Variants in OSBPL3 observed in about 807,000 individuals in gnomAD.
The protein encoded by OSBPL3 is oxysterol-binding protein-related protein 3.
In OSBPL3, 65 loss-of-function variants were observed where a neutral mutation model predicts 120.1. The observed-to-expected ratio is 0.54, with a 90% CI of 0.44 to 0.67. The LOEUF is 0.67. Among genes scored for constraint, OSBPL3 ranks in the 30% least tolerant of loss-of-function variants. OSBPL3 has a pLI of 0.00. For missense variants in OSBPL3, 1,004 were observed against 1,082.1 expected (o/e 0.93, Z 1.01); for synonymous variants, 416 against 402.6 (o/e 1.03, Z -0.40).
rs975257726 is a variant in OSBPL3, at chr7:24,979,932, G to A, written c.-196C>T. On this transcript the variant is annotated 5_prime_UTR_variant, in exon 1 of 23. Coordinates refer to ENST00000313367, the MANE Select transcript of OSBPL3 (RefSeq NM_015550.4). ...ACGCTCCCTAGTTCCCCGGGGCCGG[G>A]CTCCGGGGTTAGCGCACAGAACCGG... The A allele has an allele frequency of 3.1e-6, 3 of 973,984 alleles. No individual in the cohort carries two copies. The highest frequency in any genetic ancestry group is 6.8e-5 in the Admixed American group (1 of 14,726). 60.3% of individuals were successfully genotyped at this position (973,984 alleles called of 1,614,324 possible).
rs1027560197 is a variant in OSBPL3, at chr7:24,900,476, G to C, written c.-149-7855C>G. 3.3e-5 allele frequency among the ~76,000 whole-genome samples: 5 copies of C among 152,162 alleles called. No individual in the cohort carries two copies. The highest frequency in any genetic ancestry group is 3.3e-4 in the Admixed American group (5 of 15,282). ...CAGTTTCCAAGAACTTATCAATGAA[G>C]ATACATGAGGACTTAGTGTACATTT... On this transcript the variant is annotated intron_variant, in intron 1 of 22. Coordinates refer to ENST00000313367, the MANE Select transcript of OSBPL3 (RefSeq NM_015550.4). This position sits in a 1 kb window ranked among gnomAD's most constrained non-coding sequence, Gnocchi z 4.5.
chr7:24,901,112 G>C (rs1400091190), intron 1 of OSBPL3, among the ~76,000 whole-genome samples: 6 of 151,576 alleles, frequency 4.0e-5, no homozygotes, highest in Admixed American at 6.6e-5. Flanking sequence ...GGCGGATCAC[G>C]AGGTCAAGAG....
chr7:24,943,442 A>G (rs1262985839), intron 1 of OSBPL3, among the ~76,000 whole-genome samples: 2 of 152,252 alleles, frequency 1.3e-5, no homozygotes, highest in African/African-American at 2.4e-5. Context: ...CAATACAAAA[A>G]GCAGTCAAGC....
chr7:24,914,410 T>C (rs1809267496), intron 1 of OSBPL3, among the ~76,000 whole-genome samples: 1 of 152,100 alleles, frequency 6.6e-6, no homozygotes, highest in African/African-American at 2.4e-5. Flanking sequence ...ACTAAGAAAC[T>C]AAATTTTAAA....
At chr7:24,889,436 A>G (rs1805006259) in intron 2 of OSBPL3, among the ~76,000 whole-genome samples, 1 of 152,184 alleles carries the variant, frequency 6.6e-6, no homozygotes, top group Admixed American at 6.5e-5. Context: ...AGTAGATCTT[A>G]AATGTTCTTA....
At chr7:24,924,681 C>T (rs1028152667) in intron 1 of OSBPL3, among the ~76,000 whole-genome samples, 3 of 152,206 alleles carry the variant, frequency 2.0e-5, no homozygotes, top group Non-Finnish European at 4.4e-5. Flanking sequence ...ACAGCCAATT[C>T]CATTTTTAAG....
intron 1 of OSBPL3, among the ~76,000 whole-genome samples, chr7:24,941,101 G>T (rs1272614847): frequency 6.6e-6 from 1 of 152,194 alleles, no homozygotes; most frequent in Admixed American, 6.5e-5. Context: ...TTACAGGCGT[G>T]AGCCACCGCA....
rs1812899008 is a variant in OSBPL3 at position 24,940,050 on chromosome 7, A to C, written c.-150+39836T>G. Among the ~76,000 whole-genome samples the C allele has an allele frequency of 6.6e-6, 1 of 152,230 alleles. No individual in the cohort carries two copies. Among genetic ancestry groups the C allele is most frequent in the Non-Finnish European group, 1.5e-5 (1 of 68,034 alleles). ...AATAAAGTTGGGAGAATTTCTTCCTATTGACTTCTGTTTCTAGATGAAATG... is the reference window on the plus strand; with the variant it reads ...AATAAAGTTGGGAGAATTTCTTCCTCTTGACTTCTGTTTCTAGATGAAATG... On this transcript the variant is annotated intron_variant, in intron 1 of 22. Transcript: ENST00000313367. This position sits in a 1 kb window ranked among gnomAD's most constrained non-coding sequence, Gnocchi z 4.4.
Position 24,959,868 on chromosome 7 carries a change from C to G in OSBPL3, c.-150+20018G>C, listed in dbSNP as rs1436821757. ...CCTACCACTGAAAACCGAACTTGAA[C>G]AAAAAAGAATTTTCTATTTCCGAAA... is the stretch of plus-strand genomic sequence containing the variant. On this transcript the variant is annotated intron_variant, in intron 1 of 22. Coordinates refer to ENST00000313367, the MANE Select transcript of OSBPL3 (RefSeq NM_015550.4). This position sits in a 1 kb window ranked among gnomAD's most constrained non-coding sequence, Gnocchi z 4.3. 6.6e-6 allele frequency among the ~76,000 whole-genome samples: 1 copy of G among 151,958 alleles called. No homozygotes were observed. The highest frequency in any genetic ancestry group is 1.5e-5 in the Non-Finnish European group (1 of 67,966).
chr7:24,819,986 T>C lies in OSBPL3; in HGVS notation c.1948+189A>G, dbSNP rs1794921592. Among the ~76,000 whole-genome samples, 1 of 152,084 alleles carries C rather than the reference T, an allele frequency of 6.6e-6. No homozygotes were observed. The highest frequency in any genetic ancestry group is 1.5e-5 in the Non-Finnish European group (1 of 68,004). Reference sequence around the variant, plus strand: ...TTTACATAAGATAAAGTTACAGAAATAAATGGAGGTGGCTCAGATAAACTA... The same window carrying C: ...TTTACATAAGATAAAGTTACAGAAACAAATGGAGGTGGCTCAGATAAACTA... On this transcript the variant is annotated intron_variant, in intron 17 of 22. Transcript: ENST00000313367. This position sits in a 1 kb window ranked among gnomAD's most constrained non-coding sequence, Gnocchi z 4.1.
intron 1 of OSBPL3, among the ~76,000 whole-genome samples, chr7:24,903,713 C>T (rs534250055): frequency 6.6e-6 from 1 of 152,218 alleles, no homozygotes; most frequent in South Asian, 2.1e-4. Context: ...ACCTGAATGC[C>T]GAGGGCTTTG....
chr7:24,876,038 T>C lies in OSBPL3; in HGVS notation c.97-3969A>G, dbSNP rs117742434. On this transcript the variant is annotated intron_variant, in intron 2 of 22. Transcript: ENST00000313367. ...TCCTGTTGGTTCCATCTTCAAAATG[T>C]GTATTTTCTACTTCCCTTCCTCTTT... Among the ~76,000 whole-genome samples the C allele has an allele frequency of 8.3e-4, 127 of 152,312 alleles. 1 individual carries two copies. The East Asian group carries it at 0.02, about 24-fold the overall frequency.
rs1816457055 is a variant in OSBPL3 at position 24,966,965 on chromosome 7, C to T, written c.-150+12921G>A. ...CTGGAAAATATATGAAAAACATCCC[C>T]TAAGTGACTAATACATAAGATAAGC... On this transcript the variant is annotated intron_variant, in intron 1 of 22. Coordinates refer to ENST00000313367, the MANE Select transcript of OSBPL3 (RefSeq NM_015550.4). This position sits in a 1 kb window ranked among gnomAD's most constrained non-coding sequence, Gnocchi z 4.8. 6.6e-6 allele frequency among the ~76,000 whole-genome samples: 1 copy of T among 152,192 alleles called. No homozygotes were observed. Among genetic ancestry groups the T allele is most frequent in the African/African-American group, 2.4e-5 (1 of 41,440 alleles).
chr7:24,895,726 C>T (rs187022037), intron 1 of OSBPL3, among the ~76,000 whole-genome samples: 2 of 152,074 alleles, frequency 1.3e-5, no homozygotes, highest in South Asian at 2.1e-4. Context: ...TCACTCCACC[C>T]GGAGACCCTT....
chr7:24,868,970 G>A (rs533658596), intron 5 of OSBPL3, among the ~76,000 whole-genome samples: 2 of 152,262 alleles, frequency 1.3e-5, no homozygotes, highest in Admixed American at 6.5e-5. Flanking sequence ...AGGGCCGTGG[G>A]TGAGCAGCCT....
chr7:24,863,233 T>G lies in OSBPL3; in HGVS notation c.837A>C (p.Arg279Ser), dbSNP rs1046500072. 6.2e-7 allele frequency: 1 copy of G among 1,614,140 alleles called. No homozygotes were observed. The highest frequency in any genetic ancestry group is 8.5e-7 in the Non-Finnish European group (1 of 1,179,988). The change falls in exon 9 of 23, where the codon AGA (arginine) becomes AGC (serine). Residue 279 changes from arginine (R) to serine (S), a missense_variant. By Grantham distance (110) the Arg-to-Ser change is moderately radical (BLOSUM62 -1). Around this residue, in one of 4 missense-constraint regions of OSBPL3, gnomAD observed 272 missense variants for 248.8 expected, o/e 1.09. Coordinates refer to ENST00000313367, the MANE Select transcript of OSBPL3 (RefSeq NM_015550.4). The surrounding 1 kb of genome is among the most constrained non-coding windows in gnomAD (Gnocchi z 5.8). ...EKRSHRRWRS[R>S]AIGKDAKGTL... ...TTCCTTTAGCATCTTTGCCAATAGC[T>G]CTGGACCGCCACCTCCTGTGCGATC...
At position 24,879,826 on chromosome 7, in the gene OSBPL3, A is replaced by ATCAC. The variant is rs1156428613; in HGVS notation, c.97-7761_97-7758dup. Among the ~76,000 whole-genome samples, 1 of 152,222 alleles carries ATCAC rather than the reference A, an allele frequency of 6.6e-6. No homozygotes were observed. Among genetic ancestry groups the ATCAC allele is most frequent in the African/African-American group, 2.4e-5 (1 of 41,458 alleles). On this transcript the variant is annotated intron_variant, in intron 2 of 22. Coordinates refer to ENST00000313367, the MANE Select transcript of OSBPL3 (RefSeq NM_015550.4). The surrounding 1 kb of genome is among the most constrained non-coding windows in gnomAD (Gnocchi z 5.6). ...ACATATGACTATTTCCACGCTGTTG[A>ATCAC]TCACTCACTCAGCATTTATGGCTAC...
At position 24,800,016 on chromosome 7, in the gene OSBPL3, T is replaced by G; in HGVS notation, c.*167A>C. 2.5e-6 allele frequency: 1 copy of G among 402,630 alleles called. No homozygotes were observed. The highest frequency in any genetic ancestry group is 5.8e-5 in the South Asian group (1 of 17,376). 24.9% of individuals were successfully genotyped at this position (402,630 alleles called of 1,614,324 possible). Reference sequence around the variant, plus strand: ...AAACAATCAGGGTAACATTTGAAATTGTAAAGAAACGCACTGAGGAAAATA... The same window carrying G: ...AAACAATCAGGGTAACATTTGAAATGGTAAAGAAACGCACTGAGGAAAATA... On this transcript the variant is annotated 3_prime_UTR_variant, in exon 23 of 23. Transcript: ENST00000313367.
intron 1 of OSBPL3, among the ~76,000 whole-genome samples, chr7:24,911,210 G>A (rs549912493): frequency 3.3e-5 from 5 of 152,296 alleles, no homozygotes; most frequent in South Asian, 2.1e-4. Flanking sequence ...GCAGTTTAAA[G>A]GGTAAGAAAA....
Sources: gnomAD v4.1 joint callset for allele counts (sites outside exome capture counted in the v4.1 genomes callset) on GRCh38, gnomAD v4.1.1 for gene constraint, gnomAD v4.1.1 regional missense constraint, Gnocchi (gnomAD v3.1) non-coding constraint, MANE v1.5 for transcripts, NCBI Gene and HGNC (gene_info 2026-07-23, HGNC 2026-07-21) for gene names.